CDIN1: variants seen among roughly 807,000 people sequenced by gnomAD.
CDIN1 encodes CDAN1 interacting nuclease 1.
A neutral mutation model predicts 45.3 loss-of-function variants in CDIN1; 33 were observed. That is an observed-to-expected ratio of 0.73 (90% CI 0.55 to 0.97). The LOEUF (loss-of-function observed/expected upper bound fraction) is 0.97, where lower values mean the gene tolerates loss of function less well. Among genes scored for constraint, CDIN1 ranks in the 50% least tolerant of loss-of-function variants. The pLI, the probability that CDIN1 is intolerant of heterozygous loss-of-function variation, is 0.00. For synonymous variants in CDIN1, 118 were observed against 124.4 expected (o/e 0.95, Z 0.34); for missense variants, 303 against 339.4 (o/e 0.89, Z 0.84).
chr15:36,626,413 G>A (rs1044289225), intron 1 of CDIN1, among the ~76,000 whole-genome samples: 1 of 151,668 alleles, frequency 6.6e-6, no homozygotes, highest in African/African-American at 2.4e-5. Context: ...AGTTCTCGAG[G>A]GGAAAAATAT....
chr15:36,793,959 T>A (rs2054717233), intron 10 of CDIN1, among the ~76,000 whole-genome samples: 1 of 151,646 alleles, frequency 6.6e-6, no homozygotes, highest in Admixed American at 6.6e-5. Context: ...GAGACTTTAT[T>A]AGTTAAAAAT....
intron 10 of CDIN1, among the ~76,000 whole-genome samples, chr15:36,727,971 T>C (rs2043699958): frequency 6.6e-6 from 1 of 152,138 alleles, no homozygotes; most frequent in Non-Finnish European, 1.5e-5. Context: ...ATGACACAAA[T>C]TTTCCATACA....
chr15:36,672,585 G>A (rs2041491804), intron 5 of CDIN1, among the ~76,000 whole-genome samples: 1 of 151,730 alleles, frequency 6.6e-6, no homozygotes, highest in Non-Finnish European at 1.5e-5. Flanking sequence ...GTGTATAAAG[G>A]TGGAGAATAA....
At position 36,659,715 on chromosome 15, in the gene CDIN1, A is replaced by C. The variant is rs567631380; in HGVS notation, c.346+1810A>C. On this transcript the variant is annotated intron_variant, in intron 5 of 10. Transcript: ENST00000566621. The stretch of plus-strand genomic sequence containing the variant: ...AGGCTATTGTGAAGGCACCATTTTA[A>C]CTCCCTATTTGCCAGTAGGCTGACT... 9.9e-4 allele frequency among the ~76,000 whole-genome samples: 150 copies of C among 150,988 alleles called. 1 individual carries two copies. In the South Asian group the frequency reaches 0.031, roughly 31 times the overall value.
At chr15:36,732,436 T>A (rs184547970) in intron 10 of CDIN1, among the ~76,000 whole-genome samples, 2 of 152,228 alleles carry the variant, frequency 1.3e-5, no homozygotes, top group African/African-American at 2.4e-5. Context: ...TGAATATGAA[T>A]TATTGTGAAT....
At chr15:36,580,052 C>A in intron 1 of CDIN1, 91 bp downstream of exon 1, 1 of 1,128,472 alleles carries the variant, frequency 8.9e-7, no homozygotes, top group Non-Finnish European at 1.3e-6. Flanking sequence ...ACGTGTCACA[C>A]ATGAGTGGGG....
Position 36,764,609 on chromosome 15 carries a change from A to G in CDIN1, c.717-43715A>G, listed in dbSNP as rs954662609. On this transcript the variant is annotated intron_variant, in intron 10 of 10. Coordinates refer to ENST00000566621, the MANE Select transcript of CDIN1 (RefSeq NM_001321759.2). ...CATCCAGAACAAGCTTTTTCTTTTTATGGTTTTCATCTTCATTAAATCTTG... is the reference window on the plus strand; with the variant it reads ...CATCCAGAACAAGCTTTTTCTTTTTGTGGTTTTCATCTTCATTAAATCTTG... Among the ~76,000 whole-genome samples, 3 of 152,146 alleles carry G rather than the reference A, an allele frequency of 2.0e-5. No homozygotes were observed. In the East Asian group the frequency reaches 5.8e-4, roughly 29 times the overall value.
At chr15:36,623,562 C>T (rs2039295112) in intron 1 of CDIN1, among the ~76,000 whole-genome samples, 1 of 152,072 alleles carries the variant, frequency 6.6e-6, no homozygotes, top group African/African-American at 2.4e-5. Context: ...GTGGGGGTAA[C>T]CAGTTGTTGA....
intron 8 of CDIN1, chr15:36,702,080 G>A (rs2042665747): frequency 1.4e-6 from 1 of 702,166 alleles, no homozygotes; most frequent in East Asian, 2.7e-5. Flanking sequence ...ACACGCAGAT[G>A]TCAGTGGCAG....
intron 10 of CDIN1, among the ~76,000 whole-genome samples, chr15:36,774,163 T>TGTGTGTGTGTGTGTGTGTGTGTGTGC (rs149222188): frequency 9.8e-5 from 14 of 143,148 alleles, no homozygotes; most frequent in African/African-American, 3.7e-4. Context: ...TGTGTGTGTG[T>TGTGTGTGTGTGTGTGTGTGTGTGTGC]GCGCGCGCGC....
intron 5 of CDIN1, among the ~76,000 whole-genome samples, chr15:36,664,598 G>C (rs930829480): frequency 6.6e-6 from 1 of 152,026 alleles, no homozygotes; most frequent in Non-Finnish European, 1.5e-5. Context: ...CCAGGCTGGA[G>C]TGCAGTGGCA....
chr15:36,803,814 A>G (rs970528576), intron 10 of CDIN1, among the ~76,000 whole-genome samples: 1 of 152,190 alleles, frequency 6.6e-6, no homozygotes, highest in East Asian at 1.9e-4. Context: ...CCATTCCTCA[A>G]ATATCCTAGG....
At chr15:36,734,004 A>T (rs756485518) in intron 10 of CDIN1, among the ~76,000 whole-genome samples, 106 of 152,292 alleles carry the variant, frequency 7.0e-4, no homozygotes, top group Non-Finnish European at 1.1e-3. Flanking sequence ...TTCTTATCCT[A>T]GATGAGAAAA....
intron 5 of CDIN1, among the ~76,000 whole-genome samples, chr15:36,681,051 A>G (rs2041832821): frequency 6.6e-6 from 1 of 152,182 alleles, no homozygotes; most frequent in South Asian, 2.1e-4. Flanking sequence ...AGAGAAAGAA[A>G]GAAAAATAGA....
intron 3 of CDIN1, among the ~76,000 whole-genome samples, chr15:36,651,651 G>A (rs1019337970): frequency 1.3e-5 from 2 of 151,816 alleles, no homozygotes; most frequent in African/African-American, 2.4e-5. Context: ...AATGTATGTG[G>A]CACCTCACTA....
chr15:36,614,268 C>G (rs537857432), intron 1 of CDIN1: 3 of 597,582 alleles, frequency 5.0e-6, no homozygotes, highest in African/African-American at 1.8e-5. Flanking sequence ...CCAGCCTGCC[C>G]GAAGCTGACC....
chr15:36,618,302 A>G, intron 1 of CDIN1: 6 of 667,964 alleles, frequency 9.0e-6, no homozygotes, highest in Non-Finnish European at 1.6e-5. Context: ...TCTAGTTCAA[A>G]AAATTTTTCA....
intron 5 of CDIN1, among the ~76,000 whole-genome samples, chr15:36,666,145 TA>T (rs931144706): frequency 5.3e-5 from 8 of 151,864 alleles, no homozygotes; most frequent in Non-Finnish European, 8.8e-5. Context: ...TTACTTCTTT[TA>T]AAAAAAATCA....
intron 1 of CDIN1, among the ~76,000 whole-genome samples, chr15:36,605,229 AAG>A: frequency 6.6e-6 from 1 of 152,326 alleles, no homozygotes; most frequent in East Asian, 1.9e-4. Flanking sequence ...TAACAGATTA[AAG>A]GAGAATTTGA....
Sources: allele counts gnomAD v4.1 joint callset (sites outside exome capture counted in the v4.1 genomes callset), GRCh38; gene constraint gnomAD v4.1.1; transcripts MANE v1.5; gene names NCBI Gene and HGNC (gene_info 2026-07-23, HGNC 2026-07-21).